AOX1: variants seen among roughly 807,000 people sequenced by gnomAD.
AOX1 encodes aldehyde oxidase.
AOX1 carries 153 observed loss-of-function variants against 169.5 expected under a neutral mutation model. The observed-to-expected ratio is 0.90, with a 90% CI of 0.79 to 1.03. AOX1 has a LOEUF of 1.03. Ranked by LOEUF, AOX1 falls within the 50% of genes least tolerant of loss-of-function variation. The pLI is 0.00. For missense variants in AOX1, 1,656 were observed against 1,663.9 expected, an observed-to-expected ratio of 1.00 and a Z score of 0.08; for synonymous variants, 562 against 581.9, an observed-to-expected ratio of 0.97 and a Z score of 0.49.
At chr2:200,628,370 G>A (rs771327714) in intron 20 of AOX1, among the ~76,000 whole-genome samples, 4 of 151,000 alleles carry the variant, frequency 2.6e-5, no homozygotes, top group African/African-American at 4.9e-5. Flanking sequence ...TTCAAATTTC[G>A]CTAGTTGTCT....
chr2:200,639,828 A>T (rs2035314942), intron 23 of AOX1, among the ~76,000 whole-genome samples: 2 of 152,068 alleles, frequency 1.3e-5, no homozygotes, highest in Admixed American at 1.3e-4. Flanking sequence ...TGAGCTCAGG[A>T]GTTAGAGACC....
At chr2:200,615,639 T>C (rs1005394257) in intron 15 of AOX1, among the ~76,000 whole-genome samples, 2 of 152,264 alleles carry the variant, frequency 1.3e-5, no homozygotes, top group African/African-American at 4.8e-5. Context: ...TTACTTAGCT[T>C]CTATCTTCTT....
intron 20 of AOX1, among the ~76,000 whole-genome samples, chr2:200,628,697 G>A (rs538771665): frequency 6.6e-6 from 1 of 152,262 alleles, no homozygotes; most frequent in African/African-American, 2.4e-5. Flanking sequence ...GGGAGGCCGA[G>A]GTGAGTGGAT....
intron 23 of AOX1, 102 bp downstream of exon 23, chr2:200,638,404 G>A: frequency 2.0e-6 from 2 of 986,312 alleles, no homozygotes; most frequent in Admixed American, 2.0e-5. Context: ...GAGTAACAAT[G>A]AGCAAATCAA....
downstream of AOX1, chr2:200,679,221 A>G (rs2036133511): frequency 6.6e-6 from 1 of 152,226 alleles, no homozygotes; most frequent in Non-Finnish European, 1.5e-5. Flanking sequence ...AATTACTATT[A>G]TAATCATCTA....
chr2:200,670,756 G>A lies in AOX1; in HGVS notation c.*77G>A. ...CTGTCCTATCTCTGTGCTGGAAGATGCTAGATCTGAAAGACAGAGTTTCCA... is the reference window on the plus strand; with the variant it reads ...CTGTCCTATCTCTGTGCTGGAAGATACTAGATCTGAAAGACAGAGTTTCCA... On this transcript the variant is annotated 3_prime_UTR_variant, in exon 35 of 35. Coordinates refer to ENST00000374700, the MANE Select transcript of AOX1 (RefSeq NM_001159.4). 1 of 1,174,252 alleles carries A rather than the reference G, an allele frequency of 8.5e-7. No individual in the cohort carries two copies. The highest frequency in any genetic ancestry group is 1.3e-5 in the South Asian group (1 of 76,436). The allele number at this position is 1,174,252 out of a possible 1,614,324, so 72.7% of individuals were successfully genotyped here.
chr2:200,616,026 T>G lies in AOX1; in HGVS notation c.1667T>G (p.Leu556Arg). The G allele has an allele frequency of 6.2e-7, 1 of 1,613,968 alleles. No individual in the cohort carries two copies. Among genetic ancestry groups the G allele is most frequent in the Non-Finnish European group, 8.5e-7 (1 of 1,179,850 alleles). ...AAGTATGAAAGTGCTTTAGAAGATC[T>G]TCATTCCAAACATCACTGCAGTACA... ...ADKYESALEDLHSKHHCSTLK... is the reference protein window; with the variant it reads ...ADKYESALEDRHSKHHCSTLK... The change falls in exon 16 of 35, where the codon CTT becomes CGT. Residue 556 changes from leucine (L) to arginine (R), a missense_variant. Transcript: ENST00000374700.
chr2:200,619,500 C>T (rs1343870118), intron 16 of AOX1, among the ~76,000 whole-genome samples: 1 of 152,198 alleles, frequency 6.6e-6, no homozygotes, highest in Admixed American at 6.5e-5. Flanking sequence ...TCAGCCACAG[C>T]CTTCACCCTG....
chr2:200,597,403 C>T lies in AOX1; in HGVS notation c.207C>T (p.His69=), dbSNP rs762414818. 1.9e-6 allele frequency: 3 copies of T among 1,602,778 alleles called. No homozygotes were observed. In the African/African-American group the frequency reaches 4.0e-5, roughly 21 times the overall value. The stretch of plus-strand genomic sequence containing the variant: ...TTTCTTTTGCATTCTGAAGGCATCA[C>T]CCAGCCAATGCCTGTCTGATTCCCA... ...YNPITKRIRH[H]PANACLIPIC... is the part of the protein sequence containing the mutation. The change falls in exon 4 of 35, where the codon CAC becomes CAT. Residue 69 remains histidine (H), a synonymous_variant. Transcript: ENST00000374700.
Position 200,593,196 on chromosome 2 carries a change from G to A in AOX1, c.96G>A (p.Arg32=). The A allele has an allele frequency of 6.2e-7, 1 of 1,613,446 alleles. No homozygotes were observed. The highest frequency in any genetic ancestry group is 8.5e-7 in the Non-Finnish European group (1 of 1,179,582). The change falls in exon 2 of 35, where the codon AGG becomes AGA. Residue 32 remains arginine, a synonymous_variant. Coordinates refer to ENST00000374700, the MANE Select transcript of AOX1 (RefSeq NM_001159.4). ...AAACAATGCTGTTGCCTTATTTGAG[G>A]AAGAAGCGTATCCTTTTCTTTACTT... is the stretch of plus-strand genomic sequence containing the variant. ...DPETMLLPYL[R]KKLRLTGTKY... is the part of the protein sequence containing the mutation.
chr2:200,589,857 TGA>T (rs1163644836), intron 1 of AOX1, among the ~76,000 whole-genome samples: 1 of 152,302 alleles, frequency 6.6e-6, no homozygotes, highest in African/African-American at 2.4e-5. Flanking sequence ...TTTACAAGGC[TGA>T]GAGAGGAAAT....
At position 200,595,249 on chromosome 2, in the gene AOX1, A is replaced by G. The variant is rs373361804; in HGVS notation, c.104-23A>G. The G allele has an allele frequency of 4.4e-4, 695 of 1,591,676 alleles. 3 individuals carry two copies. The highest frequency in any genetic ancestry group is 2.5e-4 in the Non-Finnish European group (286 of 1,161,938). ...GAAAGAGAATTACATAACACATATG[A>G]TCTTTAACTATACCTCTTCCAGTTC... is the stretch of plus-strand genomic sequence containing the variant. On this transcript the variant is annotated intron_variant, in intron 2 of 34. Transcript: ENST00000374700.
Position 200,602,341 on chromosome 2 carries a change from G to A in AOX1, c.494G>A (p.Cys165Tyr), listed in dbSNP as rs1559233259. 6.2e-7 allele frequency: 1 copy of A among 1,613,258 alleles called. No individual in the cohort carries two copies. The highest frequency in any genetic ancestry group is 8.5e-7 in the Non-Finnish European group (1 of 1,179,522). Residue 165 changes from cysteine to tyrosine, a missense_variant, in exon 6 of 35, where the codon TGT becomes TAT. By Grantham distance (194) the Cys-to-Tyr change is radical. Transcript: ENST00000374700. ...ATAATTGATGCATGCAAGACTTTCT[G>A]TAAAGTAAGTGGAAAGGACCACATG... ...RPIIDACKTF[C>Y]KTSGCCQSKE...
At chr2:200,623,041 G>T (rs1038896829) in intron 18 of AOX1, among the ~76,000 whole-genome samples, 3 of 151,410 alleles carry the variant, frequency 2.0e-5, no homozygotes, top group Non-Finnish European at 2.9e-5. Context: ...CCTTTTTTTC[G>T]ATGATAAAAC....
intron 1 of AOX1, 52 bp downstream of exon 1, chr2:200,586,205 C>T (rs1559226347): frequency 6.7e-7 from 1 of 1,499,396 alleles, no homozygotes; most frequent in Non-Finnish European, 8.9e-7. Context: ...AGGGCCGGGG[C>T]AGAGAGGAGC....
At position 200,642,709 on chromosome 2, in the gene AOX1, G is replaced by A; in HGVS notation, c.2755G>A (p.Ala919Thr). 6.2e-7 allele frequency: 1 copy of A among 1,614,150 alleles called. No homozygotes were observed. Among genetic ancestry groups the A allele is most frequent in the East Asian group, 2.2e-5 (1 of 44,870 alleles). Residue 919 changes from alanine (A) to threonine (T), a missense_variant, in exon 25 of 35, where the codon GCT (alanine) becomes ACT (threonine). Physicochemically the swap from Ala to Thr is moderately conservative, Grantham distance 58 (BLOSUM62 0). Transcript: ENST00000374700. The part of the protein sequence containing the change: ...ACRTNLPSNT[A>T]FRGFGFPQAA... ...CAGAACCAACCTTCCATCCAACACA[G>A]CTTTTCGTGGGTTTGGCTTTCCTCA... is the stretch of plus-strand genomic sequence containing the variant.
chr2:200,638,344 T>C (rs746584486), intron 23 of AOX1, 42 bp downstream of exon 23: 7 of 1,566,024 alleles, frequency 4.5e-6, no homozygotes, highest in Admixed American at 3.3e-5. Flanking sequence ...ATGTTGTAGA[T>C]ACAACATCCT....
At chr2:200,622,658 T>A (rs1230382248) in intron 18 of AOX1, among the ~76,000 whole-genome samples, 1 of 152,212 alleles carries the variant, frequency 6.6e-6, no homozygotes, top group Non-Finnish European at 1.5e-5. Context: ...CTTGGCTGCA[T>A]GATAGTACCT....
chr2:200,662,708 A>T, intron 30 of AOX1, 147 bp from the exon 31 acceptor site: 1 of 614,006 alleles, frequency 1.6e-6, no homozygotes, highest in Non-Finnish European at 2.9e-6. Context: ...TATTCAACAC[A>T]TTTATCGCAC....
Sources: gnomAD v4.1 joint callset for allele counts (sites outside exome capture counted in the v4.1 genomes callset) on GRCh38, gnomAD v4.1.1 for gene constraint, MANE v1.5 for transcripts, NCBI Gene and HGNC (gene_info 2026-07-23, HGNC 2026-07-21) for gene names.